PRAG1: variants seen among roughly 807,000 people sequenced by gnomAD.
The protein encoded by PRAG1 is inactive tyrosine-protein kinase PRAG1.
In PRAG1, 110 loss-of-function variants were observed where a neutral mutation model predicts 95.6. The observed-to-expected ratio is 1.15, with a 90% CI of 0.99 to 1.35. PRAG1 has a LOEUF of 1.35. Ranked by LOEUF, PRAG1 falls within the 40% of genes most tolerant of loss-of-function variation. The pLI, the probability that PRAG1 is intolerant of heterozygous loss-of-function variation, is 0.00. For synonymous variants in PRAG1, 1,052 were observed against 819.4 expected (o/e 1.28, Z -4.85); for missense variants, 2,554 against 1,864.7 (o/e 1.37, Z -6.81).
At position 8,377,517 on chromosome 8, in the gene PRAG1, C is replaced by T. The variant is rs373475824; in HGVS notation, c.892G>A (p.Ala298Thr). ...CWEQGKCSGP[A>T]EQEKRGPSFP... ...CTCGGGCCCCGCTTCTCCTGCTCTG[C>T]GGGCCCGGAACACTTCCCCTGCTCC... The change falls in exon 3 of 6, where the codon GCA becomes ACA. Residue 298 changes from alanine to threonine, a missense_variant. Coordinates refer to ENST00000615670, the MANE Select transcript of PRAG1 (RefSeq NM_001080826.3). The T allele has an allele frequency of 4.3e-5, 68 of 1,569,796 alleles. No individual in the cohort carries two copies. The highest frequency in any genetic ancestry group is 8.1e-5 in the African/African-American group (6 of 73,922).
At chr8:8,349,735 G>C (rs1283115725) in intron 3 of PRAG1, among the ~76,000 whole-genome samples, 1 of 152,096 alleles carries the variant, frequency 6.6e-6, no homozygotes, top group African/African-American at 2.4e-5. Context: ...CATAAATATA[G>C]GAAATCAGTT....
At chr8:8,329,235 A>T (rs1202432824) in intron 4 of PRAG1, among the ~76,000 whole-genome samples, 2 of 152,092 alleles carry the variant, frequency 1.3e-5, no homozygotes, top group African/African-American at 2.4e-5. Context: ...TCTACTAAAA[A>T]TACAAAAATT....
chr8:8,377,188 T>G lies in PRAG1; in HGVS notation c.1221A>C (p.Thr407=). 6.2e-7 allele frequency: 1 copy of G among 1,611,834 alleles called. No individual in the cohort carries two copies. Among genetic ancestry groups the G allele is most frequent in the Non-Finnish European group, 8.5e-7 (1 of 1,179,780 alleles). The change falls in exon 3 of 6, where the codon ACA becomes ACC. Residue 407 remains threonine, a synonymous_variant. Transcript: ENST00000615670. ...TCTCAGCATAGATGGGTTCAGGCTG[T>G]GTAGCCTCCCGGGGGTGGGCCGGGG... The part of the protein sequence containing the change: ...PQPPAHPREA[T]QPEPIYAEST...
At chr8:8,381,346 T>G in intron 2 of PRAG1, 72 bp downstream of exon 2, 1 of 1,476,008 alleles carries the variant, frequency 6.8e-7, no homozygotes, top group East Asian at 2.3e-5. Context: ...CCTCCCTGGC[T>G]GCCAGCCAGT....
rs968750083 is a variant in PRAG1 at position 8,384,628 on chromosome 8, A to C, written c.-88+1693T>G. 7.9e-5 allele frequency among the ~76,000 whole-genome samples: 12 copies of C among 151,422 alleles called. No homozygotes were observed. In the East Asian group the frequency reaches 2.3e-3, roughly 29 times the overall value. ...GCAGCCAAAAAAAAAAAAAAAAAAA[A>C]AAAACCTCTTTTCCCGTTGCACTTC... On this transcript the variant is annotated intron_variant, in intron 1 of 5. Coordinates refer to ENST00000615670, the MANE Select transcript of PRAG1 (RefSeq NM_001080826.3).
At position 8,377,951 on chromosome 8, in the gene PRAG1, G is replaced by C. The variant is rs751683071; in HGVS notation, c.458C>G (p.Ser153Cys). 5 of 1,613,976 alleles carry C rather than the reference G, an allele frequency of 3.1e-6. No individual in the cohort carries two copies. The highest frequency in any genetic ancestry group is 1.7e-5 in the Admixed American group (1 of 60,014). The change falls in exon 3 of 6, where the codon TCT becomes TGT. Residue 153 changes from serine (S) to cysteine (C), a missense_variant. Physicochemically the swap from Ser to Cys is moderately radical, Grantham distance 112. Transcript: ENST00000615670. ...AGPSTSPDGN[S>C]RCPPAYTMVG... ...CATGGTGTAAGCTGGGGGACAGCGAGAATTGCCATCAGGGGAGGTAGAGGG... is the reference window on the plus strand; with the variant it reads ...CATGGTGTAAGCTGGGGGACAGCGACAATTGCCATCAGGGGAGGTAGAGGG...
At chr8:8,374,514 T>A (rs1301963664) in intron 3 of PRAG1, 1 of 353,370 alleles carries the variant, frequency 2.8e-6, no homozygotes, top group Non-Finnish European at 4.0e-6. Context: ...TTTCTATCTC[T>A]GCTTTGTCAT....
chr8:8,362,905 G>A (rs1206535328), intron 3 of PRAG1, among the ~76,000 whole-genome samples: 2 of 152,126 alleles, frequency 1.3e-5, no homozygotes, highest in African/African-American at 4.8e-5. Context: ...AGGAAAAGAG[G>A]AAGTCGCTTA....
At chr8:8,346,015 A>G (rs867493724) in intron 3 of PRAG1, among the ~76,000 whole-genome samples, 2 of 152,198 alleles carry the variant, frequency 1.3e-5, no homozygotes, top group Admixed American at 1.3e-4. Context: ...TGTGTGTAAA[A>G]TAGACTTCTT....
At chr8:8,339,162 G>T (rs1293422735) in intron 4 of PRAG1, among the ~76,000 whole-genome samples, 1 of 152,124 alleles carries the variant, frequency 6.6e-6, no homozygotes, top group Non-Finnish European at 1.5e-5. Flanking sequence ...CCATCCTGAG[G>T]ACAGAAGTAA....
chr8:8,339,125 A>G (rs1380032764), intron 4 of PRAG1, among the ~76,000 whole-genome samples: 1 of 152,154 alleles, frequency 6.6e-6, no homozygotes, highest in Non-Finnish European at 1.5e-5. Flanking sequence ...AGAGAGAAAG[A>G]GATAGTGAGA....
At chr8:8,357,684 T>C (rs982029840) in intron 3 of PRAG1, among the ~76,000 whole-genome samples, 1 of 152,190 alleles carries the variant, frequency 6.6e-6, no homozygotes, top group Non-Finnish European at 1.5e-5. Flanking sequence ...AATTCCACTT[T>C]GTGGTATATA....
At chr8:8,374,764 C>G in intron 3 of PRAG1, 1 of 936,456 alleles carries the variant, frequency 1.1e-6, no homozygotes, top group African/African-American at 1.8e-5. Flanking sequence ...AGTGCAATAC[C>G]AGAACAAAGT....
intron 3 of PRAG1, 79 bp from the exon 4 acceptor site, chr8:8,339,714 A>G: frequency 2.1e-6 from 3 of 1,433,944 alleles, no homozygotes; most frequent in Non-Finnish European, 2.9e-6. Flanking sequence ...TCATGAACTT[A>G]CCATGCTCTT....
In PRAG1 at chr8:8,318,339, C is replaced by A; in HGVS notation, c.4036G>T (p.Ala1346Ser). 1 of 1,614,104 alleles carries A rather than the reference C, an allele frequency of 6.2e-7. No homozygotes were observed. The highest frequency in any genetic ancestry group is 1.6e-4 in the Middle Eastern group (1 of 6,062). ...LVQQPGTSEE[A>S]LCGTLHNWID... Reference sequence around the variant, plus strand: ...CAGTTGTGCAGCGTGCCGCACAGCGCCTCCTCCGAGGTGCCCGGCTGCTGC... The same window carrying A: ...CAGTTGTGCAGCGTGCCGCACAGCGACTCCTCCGAGGTGCCCGGCTGCTGC... The change falls in exon 6 of 6, where the codon GCG (alanine) becomes TCG (serine). Residue 1346 changes from alanine to serine, a missense_variant. Ala to Ser is a moderately conservative substitution (Grantham distance 99, BLOSUM62 1). Transcript: ENST00000615670. The surrounding 1 kb of genome is among the most constrained non-coding windows in gnomAD (Gnocchi z 4.2).
intron 3 of PRAG1, among the ~76,000 whole-genome samples, chr8:8,372,811 G>C (rs2945854): frequency 0.2 from 29,708 of 152,150 alleles, 3,454 homozygotes; most frequent in Middle Eastern, 0.33. Flanking sequence ...GTCAGAATCA[G>C]TTTTGTAAAA....
rs55844905 is a variant in PRAG1, at chr8:8,328,298, C to T, written c.2484G>A (p.Pro828=). Residue 828 remains proline (P), a synonymous_variant, in exon 5 of 6, where the codon CCG becomes CCA. Transcript: ENST00000615670. The part of the protein sequence containing the change: ...KKIVSRAASS[P]DGFFWTQGSP... The stretch of plus-strand genomic sequence containing the variant: ...AGCCTTGGGTCCAGAAGAAGCCATC[C>T]GGTGAAGAGGCTGCCCGGCTCACTA... 1.5e-4 allele frequency: 247 copies of T among 1,613,522 alleles called. 2 individuals are homozygous for T. The Middle Eastern group carries it at 5.4e-3, about 36-fold the overall frequency.
intron 3 of PRAG1, among the ~76,000 whole-genome samples, chr8:8,355,101 C>T (rs1229939900): frequency 6.6e-6 from 1 of 151,134 alleles, no homozygotes; most frequent in Non-Finnish European, 1.5e-5. Context: ...ACACAAAAAC[C>T]AGTAGCATTT....
intron 4 of PRAG1, 66 bp from the exon 5 acceptor site, chr8:8,328,527 C>T: frequency 1.5e-6 from 2 of 1,374,536 alleles, no homozygotes; most frequent in Non-Finnish European, 2.0e-6. Flanking sequence ...GTCCTGCAGA[C>T]TTGTTTCCCT....
Sources: allele counts gnomAD v4.1 joint callset (sites outside exome capture counted in the v4.1 genomes callset), GRCh38; gene constraint gnomAD v4.1.1; non-coding constraint Gnocchi (gnomAD v3.1); transcripts MANE v1.5; gene names NCBI Gene and HGNC (gene_info 2026-07-23, HGNC 2026-07-21).